Variants in NADK2 observed in about 807,000 individuals in gnomAD.
The protein encoded by NADK2 is NAD kinase 2, mitochondrial, also known as NAD kinase domain-containing protein 1, mitochondrial.
NADK2 carries 35 observed loss-of-function variants against 62.1 expected under a neutral mutation model. The observed-to-expected ratio is 0.56, with a 90% confidence interval of 0.43 to 0.75. The LOEUF (loss-of-function observed/expected upper bound fraction) is 0.75, where lower values mean the gene tolerates loss of function less well. Among genes scored for constraint, NADK2 ranks in the 30% least tolerant of loss-of-function variants. NADK2 has a pLI of 0.00. For missense variants in NADK2, 439 were observed against 561.3 expected, an observed-to-expected ratio of 0.78 and a Z score of 2.20; for synonymous variants, 205 against 207.9, an observed-to-expected ratio of 0.99 and a Z score of 0.12.
intron 6 of NADK2, chr5:36,213,118 T>C (rs1477712762): frequency 6.6e-6 from 1 of 152,158 alleles, no homozygotes; most frequent in Non-Finnish European, 1.5e-5. Context: ...AAAAGTGTGT[T>C]CTCCAGTTCC....
chr5:36,241,820 G>GGCTTA lies in NADK2; in HGVS notation c.-23_-22insTAAGC. 2.3e-6 allele frequency: 3 copies of GGCTTA among 1,290,790 alleles called. No homozygotes were observed. Among genetic ancestry groups the GGCTTA allele is most frequent in the Non-Finnish European group, 2.9e-6 (3 of 1,020,848 alleles). The allele number at this position is 1,290,790 out of a possible 1,614,324, so 80.0% of individuals were successfully genotyped here. On this transcript the variant is annotated 5_prime_UTR_variant, in exon 1 of 12. Transcript: ENST00000381937. This position sits in a 1 kb window ranked among gnomAD's most constrained non-coding sequence, Gnocchi z 4.9. Reference sequence around the variant, plus strand: ...TCATCGTGGGCCGGGCCGCGGCCGCGGGCTTGGGCTCGGGCCCCTTGCCTC... The same window carrying GGCTTA: ...TCATCGTGGGCCGGGCCGCGGCCGCGGCTTAGGCTTGGGCTCGGGCCCCTTGCCTC...
At chr5:36,211,696 AGG>A in intron 7 of NADK2, 146 bp downstream of exon 7, 2 of 659,450 alleles carry the variant, frequency 3.0e-6, no homozygotes, top group South Asian at 3.9e-5. Flanking sequence ...ACATCTATGA[AGG>A]TTTTGGAAAT....
chr5:36,215,750 A>G (rs1312145116), intron 6 of NADK2, among the ~76,000 whole-genome samples: 2 of 152,166 alleles, frequency 1.3e-5, no homozygotes, highest in Non-Finnish European at 2.9e-5. Flanking sequence ...CTCCAGTTCC[A>G]TTCATGTTGC....
At chr5:36,195,400 G>T in intron 11 of NADK2, 118 bp from the exon 12 acceptor site, 1 of 1,072,834 alleles carries the variant, frequency 9.3e-7, no homozygotes, top group Non-Finnish European at 1.3e-6. Context: ...GTTGTTCTCT[G>T]GTATGAGAAA....
intron 1 of NADK2, among the ~76,000 whole-genome samples, chr5:36,239,476 C>G (rs972195011): frequency 3.3e-5 from 5 of 152,178 alleles, no homozygotes; most frequent in Non-Finnish European, 7.3e-5. Flanking sequence ...GTGTATTCTA[C>G]AGCCCACGAG....
chr5:36,205,311 G>A lies in NADK2; in HGVS notation c.956+1859C>T, dbSNP rs568818921. Reference sequence around the variant, plus strand: ...TGAAACAGGTGAGTGTTAAGGATTTGCTAAAGAGAATGACATTTCAAGACT... The same window carrying A: ...TGAAACAGGTGAGTGTTAAGGATTTACTAAAGAGAATGACATTTCAAGACT... On this transcript the variant is annotated intron_variant, in intron 8 of 11. Coordinates refer to ENST00000381937, the MANE Select transcript of NADK2 (RefSeq NM_001085411.3). The surrounding 1 kb of genome is among the most constrained non-coding windows in gnomAD (Gnocchi z 4.1). Among the ~76,000 whole-genome samples the A allele has an allele frequency of 1.8e-5, 2 of 114,102 alleles. No homozygotes were observed. The highest frequency in any genetic ancestry group is 4.5e-4 in the South Asian group (2 of 4,464). 74.9% of individuals were successfully genotyped at this position (114,102 alleles called of 152,430 possible). A position where few individuals can be genotyped will look rare whatever the true frequency, so the allele number is the denominator to read the frequency against.
intron 4 of NADK2, among the ~76,000 whole-genome samples, chr5:36,223,893 A>G (rs1747373484): frequency 6.6e-6 from 1 of 152,200 alleles, no homozygotes; most frequent in South Asian, 2.1e-4. Flanking sequence ...AAGTCTTTTT[A>G]GGCTAAAAGG....
intron 6 of NADK2, among the ~76,000 whole-genome samples, chr5:36,217,381 C>T (rs1747083367): frequency 6.6e-6 from 1 of 151,968 alleles, no homozygotes; most frequent in Non-Finnish European, 1.5e-5. Flanking sequence ...TTAAGTATAA[C>T]TATATAACAT....
At position 36,195,002 on chromosome 5, in the gene NADK2, G is replaced by T; in HGVS notation, c.*142C>A. The T allele has an allele frequency of 1.3e-6, 1 of 776,854 alleles. No individual in the cohort carries two copies. The highest frequency in any genetic ancestry group is 2.0e-6 in the Non-Finnish European group (1 of 511,528). 48.1% of individuals were successfully genotyped at this position (776,854 alleles called of 1,614,324 possible). On this transcript the variant is annotated 3_prime_UTR_variant, in exon 12 of 12. Coordinates refer to ENST00000381937, the MANE Select transcript of NADK2 (RefSeq NM_001085411.3). ...TCTTTTTTTCTATCAGAATCCAACA[G>T]AAGAATAATGCAAATCTCACTTCTG... is the stretch of plus-strand genomic sequence containing the variant.
At chr5:36,212,690 TC>T (rs1746895844) in intron 6 of NADK2, among the ~76,000 whole-genome samples, 1 of 152,170 alleles carries the variant, frequency 6.6e-6, no homozygotes, top group South Asian at 2.1e-4. Flanking sequence ...CTCAAGTATC[TC>T]CCACTAGGCA....
intron 1 of NADK2, among the ~76,000 whole-genome samples, chr5:36,234,865 C>G (rs887187218): frequency 6.6e-6 from 1 of 152,130 alleles, no homozygotes; most frequent in Admixed American, 6.5e-5. Context: ...AGTCTTTTCT[C>G]CCCTTCATCC....
In NADK2 at chr5:36,241,811, C is replaced by T; in HGVS notation, c.-13G>A. ...GGTAGCAAGTCATCGTGGGCCGGGC[C>T]GCGGCCGCGGGCTTGGGCTCGGGCC... is the stretch of plus-strand genomic sequence containing the variant. On this transcript the variant is annotated 5_prime_UTR_variant, in exon 1 of 12. Coordinates refer to ENST00000381937, the MANE Select transcript of NADK2 (RefSeq NM_001085411.3). This position sits in a 1 kb window ranked among gnomAD's most constrained non-coding sequence, Gnocchi z 4.9. The T allele has an allele frequency of 7.6e-6, 10 of 1,308,772 alleles. No homozygotes were observed. Among genetic ancestry groups the T allele is most frequent in the Non-Finnish European group, 9.7e-6 (10 of 1,029,986 alleles). 81.1% of individuals were successfully genotyped at this position (1,308,772 alleles called of 1,614,324 possible). A position where few individuals can be genotyped will look rare whatever the true frequency, so the allele number is the denominator to read the frequency against.
chr5:36,230,267 C>A (rs1187639535), intron 1 of NADK2, among the ~76,000 whole-genome samples: 1 of 152,224 alleles, frequency 6.6e-6, no homozygotes, highest in Non-Finnish European at 1.5e-5. Flanking sequence ...TTTCACCAAG[C>A]TCTTCCTTTG....
chr5:36,235,087 A>C (rs929155674), intron 1 of NADK2, among the ~76,000 whole-genome samples: 1 of 152,234 alleles, frequency 6.6e-6, no homozygotes, highest in African/African-American at 2.4e-5. Flanking sequence ...TAAACAAATT[A>C]ACTAACAGAC....
chr5:36,233,934 T>G lies in NADK2; in HGVS notation c.301-6369A>C, dbSNP rs142147133. On this transcript the variant is annotated intron_variant, in intron 1 of 11. Coordinates refer to ENST00000381937, the MANE Select transcript of NADK2 (RefSeq NM_001085411.3). Reference sequence around the variant, plus strand: ...CATTTCACCTTCATATTAGCAAAAATGTTAAAGTCTACTAAGTGCTGTTCA... The same window carrying G: ...CATTTCACCTTCATATTAGCAAAAAGGTTAAAGTCTACTAAGTGCTGTTCA... Among the ~76,000 whole-genome samples, 859 of 152,282 alleles carry G rather than the reference T, an allele frequency of 5.6e-3. 9 individuals are homozygous for G. The highest frequency in any genetic ancestry group is 0.02 in the African/African-American group (831 of 41,546).
At chr5:36,218,035 GCTTC>G (rs1376706668) in intron 5 of NADK2, 151 bp from the exon 6 acceptor site, 9 of 609,942 alleles carry the variant, frequency 1.5e-5, no homozygotes, top group African/African-American at 9.2e-5. Flanking sequence ...AAAGCCTATA[GCTTC>G]CTTATCAATG....
chr5:36,198,108 A>G (rs890261682), intron 10 of NADK2, among the ~76,000 whole-genome samples: 22 of 151,966 alleles, frequency 1.4e-4, no homozygotes, highest in African/African-American at 5.1e-4. Flanking sequence ...GTCTCAAACA[A>G]TGACAGGCAA....
intron 6 of NADK2, chr5:36,212,220 G>A (rs761853171): frequency 1.6e-5 from 3 of 191,742 alleles, no homozygotes; most frequent in African/African-American, 2.3e-5. Context: ...GATTCTTGTT[G>A]TTACACTTAA....
chr5:36,207,127 A>G (rs1446959518), intron 8 of NADK2, 43 bp downstream of exon 8: 2 of 1,504,448 alleles, frequency 1.3e-6, no homozygotes, highest in East Asian at 4.5e-5. Context: ...CATTACTAAA[A>G]GTATTTCACA....
Sources: gnomAD v4.1 joint callset for allele counts (sites outside exome capture counted in the v4.1 genomes callset) on GRCh38, gnomAD v4.1.1 for gene constraint, Gnocchi (gnomAD v3.1) non-coding constraint, MANE v1.5 for transcripts, NCBI Gene and HGNC (gene_info 2026-07-23, HGNC 2026-07-21) for gene names.